Variants in HERC2 observed in about 807,000 individuals in gnomAD.
HERC2 encodes HECT and RLD domain containing E3 ubiquitin protein ligase 2, also known as E3 ubiquitin-protein ligase HERC2.
A neutral mutation model predicts 537.7 loss-of-function variants in HERC2; 102 were observed. That is an observed-to-expected ratio of 0.19 (90% CI 0.16 to 0.22). The LOEUF is 0.22. Ranked by LOEUF, HERC2 falls within the 10% of genes least tolerant of loss-of-function variation. HERC2 has a pLI of 1.00. For synonymous variants in HERC2, 2,224 were observed against 2,466.2 expected, an observed-to-expected ratio of 0.90 and a Z score of 2.91; for missense variants, 4,236 against 6,198.2, an observed-to-expected ratio of 0.68 and a Z score of 10.63.
At chr15:28,204,616 CAAAA>C (rs55840834) in intron 45 of HERC2, among the ~76,000 whole-genome samples, 4 of 51,256 alleles carry the variant, frequency 7.8e-5, no homozygotes, top group Non-Finnish European at 3.8e-5. Flanking sequence ...GAGACTCCGT[CAAAA>C]AAAAAAAAAA....
At chr15:28,249,617 T>C (rs937783784) in intron 20 of HERC2, among the ~76,000 whole-genome samples, 2 of 151,990 alleles carry the variant, frequency 1.3e-5, no homozygotes, top group African/African-American at 4.8e-5. Context: ...AAGGTTATGA[T>C]AGGAAAATAA....
At chr15:28,170,630 G>T (rs1238918868) in intron 65 of HERC2, among the ~76,000 whole-genome samples, 4 of 152,110 alleles carry the variant, frequency 2.6e-5, no homozygotes, top group Non-Finnish European at 5.9e-5. Context: ...GACACCAAAA[G>T]TATGATCTAT....
chr15:28,275,073 A>G (rs995830448), intron 5 of HERC2, 68 bp from the exon 6 acceptor site: 8 of 957,692 alleles, frequency 8.4e-6, no homozygotes, highest in African/African-American at 6.4e-5. Flanking sequence ...CATAAAATCA[A>G]TACTATGAAA....
intron 3 of HERC2, among the ~76,000 whole-genome samples, chr15:28,299,090 G>A (rs1283050532): frequency 1.3e-5 from 2 of 152,188 alleles, no homozygotes; most frequent in South Asian, 4.2e-4. Context: ...AAACTACAAA[G>A]CTAAATAAGA....
rs547232821 is a variant in HERC2 at position 28,156,037 on chromosome 15, C to T, written c.10747-3207G>A. 3.2e-3 allele frequency among the ~76,000 whole-genome samples: 484 copies of T among 152,192 alleles called. 3 individuals are homozygous for T. Among genetic ancestry groups the T allele is most frequent in the African/African-American group, 0.011 (457 of 41,532 alleles). ...AATAGGGAATCCTTTCCCCATTTCTCGTTTTTGTCAGGTTTGTCAAAGATC... is the reference window on the plus strand; with the variant it reads ...AATAGGGAATCCTTTCCCCATTTCTTGTTTTTGTCAGGTTTGTCAAAGATC... On this transcript the variant is annotated intron_variant, in intron 69 of 92. Transcript: ENST00000261609.
chr15:28,317,313 T>G (rs769301168), intron 2 of HERC2, among the ~76,000 whole-genome samples: 47 of 152,330 alleles, frequency 3.1e-4, no homozygotes, highest in Non-Finnish European at 6.0e-4. Flanking sequence ...GGTTTTGAAC[T>G]CCTGACCTCA....
chr15:28,216,745 ACT>A (rs1899948261), intron 38 of HERC2, among the ~76,000 whole-genome samples: 1 of 148,360 alleles, frequency 6.7e-6, no homozygotes, highest in Non-Finnish European at 1.5e-5. Context: ...CACTCACACC[ACT>A]GTCGCAATCA....
chr15:28,133,427 T>C (rs1481589467), intron 79 of HERC2, among the ~76,000 whole-genome samples: 1 of 152,220 alleles, frequency 6.6e-6, no homozygotes, highest in Non-Finnish European at 1.5e-5. Context: ...ATAGTGTCTT[T>C]TGAAGAACAG....
rs200220947 is a variant in HERC2 at position 28,125,032 on chromosome 15, C to A, written c.12964G>T (p.Ala4322Ser). The A allele has an allele frequency of 1.1e-5, 18 of 1,603,970 alleles. No individual in the cohort carries two copies. The East Asian group carries it at 4.0e-4, about 36-fold the overall frequency. The change falls in exon 84 of 93, where the codon GCC (alanine) becomes TCC (serine). Residue 4322 changes from alanine (A) to serine (S), a missense_variant. Ala to Ser is a moderately conservative substitution (Grantham distance 99). Transcript: ENST00000261609. ...TGTGCAGGGAGTTTGCCAGCACTGG[C>A]GGGCTTGCTGGTCGACCAGGCGAGG... ...HTLAWSTSKP[A>S]SAGKLPAQVP...
intron 56 of HERC2, among the ~76,000 whole-genome samples, chr15:28,185,978 G>T (rs147143267): frequency 1.2e-3 from 179 of 152,292 alleles, no homozygotes; most frequent in African/African-American, 4.0e-3. Flanking sequence ...ACAGTGCTCA[G>T]ATAAAATAAG....
In HERC2 at chr15:28,207,103, A is replaced by G. The variant is rs562664510; in HGVS notation, c.7070-721T>C. On this transcript the variant is annotated intron_variant, in intron 44 of 92. Coordinates refer to ENST00000261609, the MANE Select transcript of HERC2 (RefSeq NM_004667.6). ...AGTGCATCTGTCTCTTAGAGCCAGC[A>G]AATGCTCCTTCCCAGATTTCTGCAC... 3.8e-4 allele frequency among the ~76,000 whole-genome samples: 58 copies of G among 151,228 alleles called. No individual in the cohort carries two copies. In the East Asian group the frequency reaches 0.011, roughly 29 times the overall value.
At chr15:28,307,467 T>C (rs2076820743) in intron 2 of HERC2, among the ~76,000 whole-genome samples, 1 of 152,234 alleles carries the variant, frequency 6.6e-6, no homozygotes, top group Admixed American at 6.5e-5. Flanking sequence ...AGGTTATTTA[T>C]TTGAAGTTTT....
At chr15:28,225,712 A>AAAAG (rs1567039494) in intron 35 of HERC2, among the ~76,000 whole-genome samples, 11 of 151,210 alleles carry the variant, frequency 7.3e-5, no homozygotes, top group African/African-American at 2.4e-4. Flanking sequence ...AAAAAAAAAA[A>AAAAG]AAAGAAAGAA....
rs563605504 is a variant in HERC2, at chr15:28,186,618, C to T, written c.8784G>A (p.Ser2928=). ...TCTCATCCTCCTCCTCTTCATTATC[C>T]GAAGCTAAGAAAGGAACTGCAGCCA... ...EDLAAVPFLA[S]DNEEEEDEKG... The change falls in exon 56 of 93, where the codon TCG becomes TCA. Residue 2928 remains serine, a synonymous_variant. Coordinates refer to ENST00000261609, the MANE Select transcript of HERC2 (RefSeq NM_004667.6). The T allele has an allele frequency of 4.3e-6, 7 of 1,613,916 alleles. No individual in the cohort carries two copies. The highest frequency in any genetic ancestry group is 3.3e-5 in the South Asian group (3 of 91,034).
chr15:28,307,518 A>G (rs2076822875), intron 2 of HERC2, among the ~76,000 whole-genome samples: 1 of 152,208 alleles, frequency 6.6e-6, no homozygotes, highest in African/African-American at 2.4e-5. Context: ...CTTTAACTAT[A>G]TCCCACAGAT....
At chr15:28,112,936 G>A (rs1887806119) in intron 92 of HERC2, 135 bp downstream of exon 92, 9 of 692,458 alleles carry the variant, frequency 1.3e-5, no homozygotes, top group South Asian at 1.9e-5. Flanking sequence ...AGAGAAGTTC[G>A]ATGTTTTCCA....
chr15:28,192,175 G>GAATT (rs1283439357), intron 52 of HERC2, 24 bp from the exon 53 acceptor site: 1 of 1,590,060 alleles, frequency 6.3e-7, no homozygotes, highest in African/African-American at 1.3e-5. Flanking sequence ...GTCAAAAAGA[G>GAATT]AATTAACCCT....
chr15:28,315,628 A>G, intron 2 of HERC2: 1 of 551,024 alleles, frequency 1.8e-6, no homozygotes, highest in Non-Finnish European at 3.5e-6. Flanking sequence ...CCCCATCTCT[A>G]CTAAAAATAT....
chr15:28,142,376 A>C lies in HERC2; in HGVS notation c.11562T>G (p.Ala3854=). ...GCAGAGTGTCCAGCTCCAGGTCACA[A>C]GCAAGAGCTACCAGTACCTGCAGGC... is the stretch of plus-strand genomic sequence containing the variant. The part of the protein sequence containing the change: ...SPFFKVLVAL[A]CDLELDTLPC... Residue 3854 remains alanine (A), a synonymous_variant, in exon 76 of 93, where the codon GCT becomes GCG. Coordinates refer to ENST00000261609, the MANE Select transcript of HERC2 (RefSeq NM_004667.6). The C allele has an allele frequency of 1.9e-6, 3 of 1,613,572 alleles. No homozygotes were observed. The highest frequency in any genetic ancestry group is 1.7e-6 in the Non-Finnish European group (2 of 1,179,752).
Sources: gnomAD v4.1 joint callset for allele counts (sites outside exome capture counted in the v4.1 genomes callset) on GRCh38, gnomAD v4.1.1 for gene constraint, MANE v1.5 for transcripts, NCBI Gene and HGNC (gene_info 2026-07-23, HGNC 2026-07-21) for gene names.